WDR36: variants seen among roughly 807,000 people sequenced by gnomAD.
The protein encoded by WDR36 is WD repeat domain 36.
A neutral mutation model predicts 112.7 loss-of-function variants in WDR36; 63 were observed. The ratio of observed to expected loss-of-function variants is 0.56; its 90% confidence interval spans 0.46 to 0.69. The LOEUF is 0.69. Among genes scored for constraint, WDR36 ranks in the 30% least tolerant of loss-of-function variants. The pLI is 0.00. For missense variants in WDR36, 1,226 were observed against 1,070.3 expected (o/e 1.15, Z -2.03); for synonymous variants, 410 against 362.2 (o/e 1.13, Z -1.50).
chr5:111,105,407 T>A, intron 10 of WDR36, 47 bp downstream of exon 10: 1 of 1,538,098 alleles, frequency 6.5e-7, no homozygotes, highest in South Asian at 1.1e-5. Flanking sequence ...AAGAAACATT[T>A]CAACATTCTA....
chr5:111,126,721 T>C lies in WDR36; in HGVS notation c.2539-13T>C, dbSNP rs758255342. 5 of 1,612,744 alleles carry C rather than the reference T, an allele frequency of 3.1e-6. No homozygotes were observed. In the African/African-American group the frequency reaches 6.7e-5, roughly 22 times the overall value. On this transcript the variant is annotated splice_polypyrimidine_tract_variant and intron_variant, in intron 22 of 22. Transcript: ENST00000513710. ...TTTTCTTAAATGTTCAATCATCATA[T>C]TTTTCTTTGCAGTTACACCTTAAAA...
chr5:111,100,210 G>C lies in WDR36; in HGVS notation c.410-379G>C, dbSNP rs541898993. Among the ~76,000 whole-genome samples the C allele has an allele frequency of 2.6e-5, 4 of 152,006 alleles. No individual in the cohort carries two copies. The East Asian group carries it at 7.7e-4, about 29-fold the overall frequency. ...GCTCTTCGTTCCCTGAAAGAGCTAAGTATAAGCACTTCACTTGGAATATTC... is the reference window on the plus strand; with the variant it reads ...GCTCTTCGTTCCCTGAAAGAGCTAACTATAAGCACTTCACTTGGAATATTC... On this transcript the variant is annotated intron_variant, in intron 4 of 22. Transcript: ENST00000513710.
At chr5:111,096,522 G>A (rs995766831) in intron 2 of WDR36, among the ~76,000 whole-genome samples, 10 of 152,064 alleles carry the variant, frequency 6.6e-5, no homozygotes, top group Non-Finnish European at 1.3e-4. Context: ...TGTCTAACAT[G>A]GCAAAACCCT....
At chr5:111,100,520 T>G in intron 4 of WDR36, 69 bp from the exon 5 acceptor site, 1 of 1,108,538 alleles carries the variant, frequency 9.0e-7, no homozygotes, top group Non-Finnish European at 1.3e-6. Context: ...CTTTAAGTGA[T>G]AAATATATGG....
intron 6 of WDR36, 120 bp from the exon 7 acceptor site, chr5:111,103,666 C>A: frequency 7.7e-7 from 1 of 1,297,216 alleles, no homozygotes; most frequent in Non-Finnish European, 1.1e-6. Flanking sequence ...AGTTTTTCTG[C>A]CATCTTTTAG....
rs1328974312 is a variant in WDR36, at chr5:111,125,795, G to A, written c.2538G>A (p.Lys846=). 5 of 1,613,642 alleles carry A rather than the reference G, an allele frequency of 3.1e-6. No individual in the cohort carries two copies. The highest frequency in any genetic ancestry group is 4.2e-6 in the Non-Finnish European group (5 of 1,179,710). Residue 846 remains lysine (K), a splice_region_variant and synonymous_variant, in exon 22 of 23, where the codon AAG becomes AAA. Coordinates refer to ENST00000513710, the MANE Select transcript of WDR36 (RefSeq NM_139281.3). ...AGGCATACCTTGCATTGTTTCTAAA[G>A]GTAAGTCTAATGTAAGACAGTACTG... ...LAQAYLALFL[K]LHLKMLPSEP... is the part of the protein sequence containing the mutation.
chr5:111,125,782 C>A lies in WDR36; in HGVS notation c.2525C>A (p.Ala842Glu). ...TTTGAGTTAGCCCAGGCATACCTTG[C>A]ATTGTTTCTAAAGGTAAGTCTAATG... ...RDFELAQAYLALFLKLHLKML... is the reference protein window; with the variant it reads ...RDFELAQAYLELFLKLHLKML... Residue 842 changes from alanine (A) to glutamate (E), a missense_variant, in exon 22 of 23, where the codon GCA (alanine) becomes GAA (glutamate). By Grantham distance (107) the Ala-to-Glu change is moderately radical (BLOSUM62 -1). Transcript: ENST00000513710. 1 of 1,613,718 alleles carries A rather than the reference C, an allele frequency of 6.2e-7. No homozygotes were observed. The highest frequency in any genetic ancestry group is 1.3e-5 in the African/African-American group (1 of 74,990).
At position 111,110,806 on chromosome 5, in the gene WDR36, G is replaced by A. The variant is rs1463783081; in HGVS notation, c.1460G>A (p.Arg487Lys). Residue 487 changes from arginine to lysine, a missense_variant, in exon 14 of 23, where the codon AGA (arginine) becomes AAA (lysine). Coordinates refer to ENST00000513710, the MANE Select transcript of WDR36 (RefSeq NM_139281.3). ...GKDQAHKGSV[R>K]GVAVDGLNQL... ...CTTACAGCTCACAAGGGATCTGTTA[G>A]AGGTGTCGCAGTGGATGGATTAAAC... 6.2e-7 allele frequency: 1 copy of A among 1,610,954 alleles called. No homozygotes were observed. The highest frequency in any genetic ancestry group is 1.3e-5 in the African/African-American group (1 of 74,844).
chr5:111,109,447 TTAAA>T (rs1470898899), intron 12 of WDR36, among the ~76,000 whole-genome samples: 1 of 151,320 alleles, frequency 6.6e-6, no homozygotes, highest in African/African-American at 2.4e-5. Context: ...CTTTGCTTAG[TTAAA>T]TAAACCTTCA....
chr5:111,094,834 A>T (rs1035141526), intron 1 of WDR36, 86 bp from the exon 2 acceptor site: 1 of 1,082,596 alleles, frequency 9.2e-7, no homozygotes, highest in Non-Finnish European at 1.4e-6. Context: ...AAATATACGT[A>T]TGAGGTTATA....
Position 111,128,010 on chromosome 5 carries a change from A to G in WDR36, c.*1127A>G, listed in dbSNP as rs1419667852. 2 of 202,274 alleles carry G rather than the reference A, an allele frequency of 9.9e-6. No homozygotes were observed. The highest frequency in any genetic ancestry group is 2.0e-5 in the Non-Finnish European group (2 of 99,398). 12.5% of individuals were successfully genotyped at this position (202,274 alleles called of 1,614,324 possible). On this transcript the variant is annotated 3_prime_UTR_variant, in exon 23 of 23. Coordinates refer to ENST00000513710, the MANE Select transcript of WDR36 (RefSeq NM_139281.3). Reference sequence around the variant, plus strand: ...ATGCTGAGTATACTTTTCTTTCACAACCATTGCAAACCCAGGTAGCCCTGG... The same window carrying G: ...ATGCTGAGTATACTTTTCTTTCACAGCCATTGCAAACCCAGGTAGCCCTGG...
rs559217047 is a variant in WDR36, at chr5:111,122,598, G to A, written c.2149-1207G>A. Among the ~76,000 whole-genome samples the A allele has an allele frequency of 1.6e-3, 251 of 152,248 alleles. 2 individuals carry two copies. The highest frequency in any genetic ancestry group is 1.3e-4 in the Non-Finnish European group (9 of 68,024). ...AGAATGGTGAGTTAGAATGGTAACT[G>A]TGACTCATAACAGTCTCCACCATCC... On this transcript the variant is annotated intron_variant, in intron 19 of 22. Coordinates refer to ENST00000513710, the MANE Select transcript of WDR36 (RefSeq NM_139281.3).
chr5:111,092,375 T>C lies in WDR36; in HGVS notation c.-82T>C, dbSNP rs561130503. On this transcript the variant is annotated 5_prime_UTR_variant, in exon 1 of 23. Coordinates refer to ENST00000513710, the MANE Select transcript of WDR36 (RefSeq NM_139281.3). Reference sequence around the variant, plus strand: ...TGTGTCTGCAGCTCTGGCAGAGGACTGTTCCACTAGACACGCTGAAGGGAC... The same window carrying C: ...TGTGTCTGCAGCTCTGGCAGAGGACCGTTCCACTAGACACGCTGAAGGGAC... The C allele has an allele frequency of 2.4e-5, 39 of 1,614,246 alleles. No homozygotes were observed. The African/African-American group carries it at 4.5e-4, about 19-fold the overall frequency.
chr5:111,103,117 C>G (rs987984249), intron 6 of WDR36, among the ~76,000 whole-genome samples: 1 of 151,676 alleles, frequency 6.6e-6, no homozygotes, highest in African/African-American at 2.4e-5. Context: ...AATTTCTACA[C>G]AGGGTCTCAT....
intron 17 of WDR36, among the ~76,000 whole-genome samples, 178 bp from the exon 18 acceptor site, chr5:111,120,318 A>G (rs973014091): frequency 2.6e-5 from 4 of 152,164 alleles, no homozygotes; most frequent in African/African-American, 7.2e-5. Context: ...GTATTTACAC[A>G]GCTTTGTTAT....
At chr5:111,098,549 A>G (rs906548518) in intron 3 of WDR36, among the ~76,000 whole-genome samples, 173 bp from the exon 4 acceptor site, 1 of 152,160 alleles carries the variant, frequency 6.6e-6, no homozygotes, top group African/African-American at 2.4e-5. Context: ...GAGCAGATGA[A>G]CATGCCTGGT....
chr5:111,094,500 T>TA (rs1465791860), intron 1 of WDR36, among the ~76,000 whole-genome samples: 1 of 151,616 alleles, frequency 6.6e-6, no homozygotes, highest in East Asian at 1.9e-4. Context: ...AGGCTGGGGG[T>TA]AGGGAGAAGG....
chr5:111,126,628 A>G lies in WDR36; in HGVS notation c.2539-106A>G, dbSNP rs1271510456. ...TAATAAACCAGCGCTTAAGAAAACA[A>G]ATATTCACCTAGTGTCTTTTGTGGT... On this transcript the variant is annotated intron_variant, in intron 22 of 22. Transcript: ENST00000513710. The G allele has an allele frequency of 5.4e-6, 7 of 1,295,082 alleles. No individual in the cohort carries two copies. In the African/African-American group the frequency reaches 7.4e-5, roughly 14 times the overall value. The allele number at this position is 1,295,082 out of a possible 1,614,324, so 80.2% of individuals were successfully genotyped here. A position where few individuals can be genotyped will look rare whatever the true frequency, so the allele number is the denominator to read the frequency against.
chr5:111,123,706 T>C, intron 19 of WDR36, 99 bp from the exon 20 acceptor site: 3 of 1,467,202 alleles, frequency 2.0e-6, no homozygotes, highest in Non-Finnish European at 2.8e-6. Context: ...CATTCCTCTT[T>C]TACTTTTTGG....
Sources: gnomAD v4.1 joint callset for allele counts (sites outside exome capture counted in the v4.1 genomes callset) on GRCh38, gnomAD v4.1.1 for gene constraint, MANE v1.5 for transcripts, NCBI Gene and HGNC (gene_info 2026-07-23, HGNC 2026-07-21) for gene names.